Variants in TARS3 observed in about 807,000 individuals in gnomAD.
TARS3 encodes the protein threonine--tRNA ligase 2, cytoplasmic.
In TARS3, 94 loss-of-function variants were observed where a neutral mutation model predicts 103.5. That is an observed-to-expected ratio of 0.91 (90% CI 0.77 to 1.08). TARS3 has a LOEUF of 1.08. Ranked by LOEUF, TARS3 falls within the 50% of genes least tolerant of loss-of-function variation. The pLI is 0.00. For missense variants in TARS3, 952 were observed against 995.2 expected, an observed-to-expected ratio of 0.96 and a Z score of 0.58; for synonymous variants, 416 against 355.4, an observed-to-expected ratio of 1.17 and a Z score of -1.92.
intron 15 of TARS3, among the ~76,000 whole-genome samples, chr15:101,662,186 T>C (rs1897407544): frequency 1.3e-5 from 2 of 152,168 alleles, no homozygotes; most frequent in Non-Finnish European, 1.5e-5. Context: ...ATGTTCCTGA[T>C]ATGTGTTCTT....
At position 101,712,021 on chromosome 15, in the gene TARS3, A is replaced by C. The variant is rs367993331; in HGVS notation, c.691-20T>G. 1.9e-6 allele frequency: 3 copies of C among 1,596,252 alleles called. No homozygotes were observed. The highest frequency in any genetic ancestry group is 1.7e-6 in the Non-Finnish European group (2 of 1,173,086). On this transcript the variant is annotated intron_variant, in intron 4 of 18. Transcript: ENST00000335968. ...GTACACCTGCATGGCATGGACAAAG[A>C]GGCCATTAGCTACCAAAAGTATGTC...
chr15:101,686,248 T>A (rs995968408), intron 10 of TARS3, among the ~76,000 whole-genome samples, 186 bp from the exon 11 acceptor site: 1 of 152,248 alleles, frequency 6.6e-6, no homozygotes, highest in Non-Finnish European at 1.5e-5. Flanking sequence ...ATGCTTAGTA[T>A]AATTTCTATT....
intron 15 of TARS3, among the ~76,000 whole-genome samples, chr15:101,662,829 T>C (rs888277695): frequency 3.3e-5 from 5 of 152,228 alleles, no homozygotes; most frequent in Admixed American, 1.3e-4. Context: ...CATCATTTCT[T>C]TGAATCATGT....
chr15:101,653,882 C>G lies in TARS3; in HGVS notation c.*700G>C, dbSNP rs898160755. The G allele has an allele frequency of 2.0e-5, 3 of 152,244 alleles. No homozygotes were observed. The highest frequency in any genetic ancestry group is 1.3e-4 in the Admixed American group (2 of 15,276). The allele number at this position is 152,244 out of a possible 1,614,324, so 9.4% of individuals were successfully genotyped here. On this transcript the variant is annotated 3_prime_UTR_variant, in exon 19 of 19. Transcript: ENST00000335968. ...TCATCCCATCAAAAAAGTAACAACT[C>G]TAGGTGAGCGGCTTAGTGGTGGTAG...
intron 15 of TARS3, among the ~76,000 whole-genome samples, chr15:101,667,595 A>G (rs1457729070): frequency 1.3e-5 from 2 of 149,208 alleles, no homozygotes; most frequent in Non-Finnish European, 3.0e-5. Flanking sequence ...TTTGAGATGG[A>G]GTTTCACTCT....
At chr15:101,695,318 T>C (rs1261698986) in intron 10 of TARS3, among the ~76,000 whole-genome samples, 1 of 152,174 alleles carries the variant, frequency 6.6e-6, no homozygotes, top group African/African-American at 2.4e-5. Flanking sequence ...TCACTATAGT[T>C]TTGGCATTTC....
intron 1 of TARS3, 69 bp from the exon 2 acceptor site, chr15:101,723,233 A>T: frequency 6.9e-7 from 1 of 1,445,314 alleles, no homozygotes; most frequent in Non-Finnish European, 9.7e-7. Flanking sequence ...GAAGAGAGTC[A>T]TGCCAGCAGG....
intron 15 of TARS3, among the ~76,000 whole-genome samples, chr15:101,669,018 T>G (rs1456266187): frequency 6.6e-6 from 1 of 152,200 alleles, no homozygotes; most frequent in East Asian, 1.9e-4. Context: ...TAAAACAGCC[T>G]GGGGCTGGTC....
intron 2 of TARS3, among the ~76,000 whole-genome samples, chr15:101,722,295 G>A (rs991183178): frequency 1.3e-5 from 2 of 148,716 alleles, no homozygotes; most frequent in Non-Finnish European, 3.0e-5. Flanking sequence ...TTTACAGAAC[G>A]TGTACAGAGT....
intron 15 of TARS3, among the ~76,000 whole-genome samples, chr15:101,666,258 C>T (rs569499341): frequency 8.8e-4 from 133 of 151,898 alleles, no homozygotes; most frequent in Non-Finnish European, 1.5e-3. Context: ...CTGAGGTGGG[C>T]GGAGGTAAGG....
At chr15:101,684,764 T>C (rs1447536884) in intron 11 of TARS3, among the ~76,000 whole-genome samples, 2 of 152,234 alleles carry the variant, frequency 1.3e-5, no homozygotes, top group Non-Finnish European at 2.9e-5. Flanking sequence ...TGTTCTCTGT[T>C]GAATGAAAGA....
intron 18 of TARS3, among the ~76,000 whole-genome samples, chr15:101,656,714 G>A (rs1462766417): frequency 6.6e-6 from 1 of 152,140 alleles, no homozygotes; most frequent in African/African-American, 2.4e-5. Flanking sequence ...AGGGGATTCA[G>A]GTGAAACTTT....
chr15:101,675,661 T>C lies in TARS3; in HGVS notation c.1727A>G (p.Asn576Ser), dbSNP rs1413985921. Residue 576 changes from asparagine (N) to serine (S), a missense_variant, in exon 13 of 19, where the codon AAC (asparagine) becomes AGC (serine). Physicochemically the swap from Asn to Ser is conservative, Grantham distance 46 (BLOSUM62 1). Around this residue, in one of 2 missense-constraint regions of TARS3, gnomAD observed 540 missense variants for 631.0 expected, o/e 0.86. Coordinates refer to ENST00000335968, the MANE Select transcript of TARS3 (RefSeq NM_152334.3). ...GAAGTTTTCCGGCCTTGTTGACAGG[T>C]TTAATTGAAAGGAGAAGCCAAATGT... The part of the protein sequence containing the change: ...YSTFGFSFQL[N>S]LSTRPENFLG... 1.2e-6 allele frequency: 2 copies of C among 1,614,122 alleles called. No homozygotes were observed. Among genetic ancestry groups the C allele is most frequent in the Admixed American group, 1.7e-5 (1 of 60,030 alleles).
Position 101,708,864 on chromosome 15 carries a change from C to G in TARS3, c.859G>C (p.Ala287Pro). The change falls in exon 6 of 19, where the codon GCC becomes CCC. Residue 287 changes from alanine (A) to proline (P), a missense_variant. Around this residue, in one of 2 missense-constraint regions of TARS3, gnomAD observed 540 missense variants for 631.0 expected, o/e 0.86. Transcript: ENST00000335968. ...AAAGGTTGCTTTTCTTTTATGATGG[C>G]TTTACATATATTCTCCAGGGCTGAC... Reference protein sequence around the residue: ...ELSALENICKAIIKEKQPFER... With the variant: ...ELSALENICKPIIKEKQPFER... The G allele has an allele frequency of 6.2e-7, 1 of 1,612,710 alleles. No homozygotes were observed. The highest frequency in any genetic ancestry group is 8.5e-7 in the Non-Finnish European group (1 of 1,179,572).
intron 3 of TARS3, among the ~76,000 whole-genome samples, chr15:101,719,626 TG>T (rs1219454604): frequency 6.6e-6 from 1 of 152,178 alleles, no homozygotes; most frequent in Non-Finnish European, 1.5e-5. Flanking sequence ...AGGATGTAAG[TG>T]GAAACTGAAG....
chr15:101,703,666 C>T (rs528472299), intron 8 of TARS3, among the ~76,000 whole-genome samples, 193 bp downstream of exon 8: 1 of 152,076 alleles, frequency 6.6e-6, no homozygotes, highest in African/African-American at 2.4e-5. Flanking sequence ...AAATGATAAA[C>T]AAAAGCCACC....
Position 101,717,830 on chromosome 15 carries a change from T to A in TARS3, c.567-2867A>T, listed in dbSNP as rs115800051. On this transcript the variant is annotated intron_variant, in intron 3 of 18. Transcript: ENST00000335968. ...TTTGACCATATTCAAGCGACTTGAG[T>A]TTTTTGTGATGTCTTTGTTGTAGCA... 3.9e-3 allele frequency among the ~76,000 whole-genome samples: 593 copies of A among 152,262 alleles called. 3 individuals are homozygous for A. The highest frequency in any genetic ancestry group is 0.012 in the African/African-American group (507 of 41,540).
chr15:101,715,742 C>T (rs1900124347), intron 3 of TARS3, among the ~76,000 whole-genome samples: 1 of 152,106 alleles, frequency 6.6e-6, no homozygotes, highest in South Asian at 2.1e-4. Context: ...CTAAGTCTTG[C>T]TATCATAGAG....
At chr15:101,684,798 C>T (rs149608850) in intron 11 of TARS3, among the ~76,000 whole-genome samples, 1 of 152,304 alleles carries the variant, frequency 6.6e-6, no homozygotes, top group African/African-American at 2.4e-5. Flanking sequence ...GAAAGCACTC[C>T]TAGCTTCCAT....
Sources: gnomAD v4.1 joint callset for allele counts (sites outside exome capture counted in the v4.1 genomes callset) on GRCh38, gnomAD v4.1.1 for gene constraint, gnomAD v4.1.1 regional missense constraint, MANE v1.5 for transcripts, NCBI Gene and HGNC (gene_info 2026-07-23, HGNC 2026-07-21) for gene names.